The following LMBRD2 variants were observed in gnomAD, a reference collection of about 807,000 sequenced individuals.
LMBRD2 encodes G protein-coupled receptor-associated protein LMBRD2.
Under a neutral mutation model 94.4 loss-of-function variants are expected in LMBRD2, and 55 were observed. The observed-to-expected ratio is 0.58, with a 90% CI of 0.47 to 0.73. The LOEUF is 0.73. Ranked by LOEUF, LMBRD2 falls within the 30% of genes least tolerant of loss-of-function variation. The probability of loss-of-function intolerance (pLI) is 0.00; values close to 1 mark genes in which losing one functional copy is unlikely to be tolerated. For missense variants in LMBRD2, 640 were observed against 831.9 expected, an observed-to-expected ratio of 0.77 and a Z score of 2.84; for synonymous variants, 246 against 272.4, an observed-to-expected ratio of 0.90 and a Z score of 0.95.
In LMBRD2 at chr5:36,100,287, C is replaced by T. The variant is rs1743320787; in HGVS notation, c.*3759G>A. The stretch of plus-strand genomic sequence containing the variant: ...AAAACAATTTATTTACTGATGTGTC[C>T]TCTTTAGTGACCTAAAAGATACACT... On this transcript the variant is annotated 3_prime_UTR_variant, in exon 18 of 18. Transcript: ENST00000296603. The T allele has an allele frequency of 6.6e-6, 1 of 151,934 alleles. No individual in the cohort carries two copies. The highest frequency in any genetic ancestry group is 1.5e-5 in the Non-Finnish European group (1 of 67,968). The allele number at this position is 151,934 out of a possible 1,614,324, so 9.4% of individuals were successfully genotyped here.
rs1744698312 is a variant in LMBRD2, at chr5:36,151,185, CG to C, written c.-58+370del. Among the ~76,000 whole-genome samples the C allele has an allele frequency of 6.6e-6, 1 of 152,228 alleles. No homozygotes were observed. The highest frequency in any genetic ancestry group is 2.4e-5 in the African/African-American group (1 of 41,456). ...GCTTTTAGGCGGCGACGCAAACACACGTAGCCAGCTGAGCGACAGCAAGCAA... is the reference window on the plus strand; with the variant it reads ...GCTTTTAGGCGGCGACGCAAACACACTAGCCAGCTGAGCGACAGCAAGCAA... On this transcript the variant is annotated intron_variant, in intron 1 of 17. Coordinates refer to ENST00000296603, the MANE Select transcript of LMBRD2 (RefSeq NM_001007527.2). This position sits in a 1 kb window ranked among gnomAD's most constrained non-coding sequence, Gnocchi z 4.7.
At chr5:36,139,596 C>T (rs1744354467) in intron 4 of LMBRD2, among the ~76,000 whole-genome samples, 1 of 152,236 alleles carries the variant, frequency 6.6e-6, no homozygotes, top group South Asian at 2.1e-4. Context: ...TTTCTCCTCT[C>T]TGAAGCCCAT....
chr5:36,142,487 TA>T lies in LMBRD2; in HGVS notation c.272+14del. On this transcript the variant is annotated intron_variant, in intron 3 of 17. Coordinates refer to ENST00000296603, the MANE Select transcript of LMBRD2 (RefSeq NM_001007527.2). The stretch of plus-strand genomic sequence containing the variant: ...CCCTACAATGTTTATATATTTTTTT[TA>T]AAAAAGGAAATACCTTGGAACAGGG... 2.2e-6 allele frequency: 3 copies of T among 1,389,902 alleles called. No individual in the cohort carries two copies. Among genetic ancestry groups the T allele is most frequent in the Non-Finnish European group, 3.1e-6 (3 of 981,880 alleles). The allele number at this position is 1,389,902 out of a possible 1,614,324, so 86.1% of individuals were successfully genotyped here.
chr5:36,147,007 A>T (rs1401419179), intron 1 of LMBRD2, among the ~76,000 whole-genome samples: 1 of 151,380 alleles, frequency 6.6e-6, no homozygotes, highest in African/African-American at 2.4e-5. Context: ...TTTTAGAAGC[A>T]GCAATGGCTT....
chr5:36,130,245 T>A (rs116720542), intron 6 of LMBRD2, among the ~76,000 whole-genome samples: 3,386 of 152,122 alleles, frequency 0.022, 121 homozygotes, highest in African/African-American at 0.078. Context: ...ACAGATAGTA[T>A]AATAATACAT....
At chr5:36,147,023 A>G (rs1744565632) in intron 1 of LMBRD2, among the ~76,000 whole-genome samples, 1 of 150,862 alleles carries the variant, frequency 6.6e-6, no homozygotes, top group Non-Finnish European at 1.5e-5. Flanking sequence ...GGCTTGTCAA[A>G]TTCTTCTCAC....
chr5:36,113,803 A>G (rs1581044512), intron 13 of LMBRD2, among the ~76,000 whole-genome samples: 2 of 152,298 alleles, frequency 1.3e-5, no homozygotes, highest in South Asian at 4.2e-4. Flanking sequence ...ATGTAAAAAG[A>G]AGGAAAGACA....
In LMBRD2 at chr5:36,117,740, T is replaced by C; in HGVS notation, c.1297A>G (p.Ile433Val). ...CAGACATAAAATAAACTGACCTCGA[T>C]ATAAATATAATTATATGTTTTTTCT... ...LAEKTYNYIYIEIACFLSIFF... is the reference protein window; with the variant it reads ...LAEKTYNYIYVEIACFLSIFF... The change falls in exon 10 of 18, where the codon ATC becomes GTC. Residue 433 changes from isoleucine to valine, a missense_variant. Physicochemically the swap from Ile to Val is conservative, Grantham distance 29. This residue lies in a region of LMBRD2 where 457 missense variants were observed against 642.8 expected (regional missense o/e 0.71). Transcript: ENST00000296603. 1 of 1,598,174 alleles carries C rather than the reference T, an allele frequency of 6.3e-7. No homozygotes were observed. Among genetic ancestry groups the C allele is most frequent in the Non-Finnish European group, 8.5e-7 (1 of 1,171,052 alleles).
chr5:36,150,369 G>A (rs1744662684), intron 1 of LMBRD2, among the ~76,000 whole-genome samples: 2 of 152,158 alleles, frequency 1.3e-5, no homozygotes, highest in African/African-American at 4.8e-5. Flanking sequence ...TATATCTGAA[G>A]TGGGCTCTCC....
chr5:36,142,518 C>T lies in LMBRD2; in HGVS notation c.256G>A (p.Ala86Thr). Residue 86 changes from alanine (A) to threonine (T), a missense_variant, in exon 3 of 18, where the codon GCT becomes ACT. Physicochemically the swap from Ala to Thr is moderately conservative, Grantham distance 58. Coordinates refer to ENST00000296603, the MANE Select transcript of LMBRD2 (RefSeq NM_001007527.2). ...NSNITGLYAT[A>T]NPVPSQHPCF... ...AGGAAATACCTTGGAACAGGGTTAG[C>T]AGTTGCGTACAATCCTGTAATGTTG... 1.9e-6 allele frequency: 3 copies of T among 1,592,720 alleles called. No individual in the cohort carries two copies. Among genetic ancestry groups the T allele is most frequent in the Non-Finnish European group, 2.6e-6 (3 of 1,160,724 alleles).
intron 6 of LMBRD2, 83 bp downstream of exon 6, chr5:36,136,226 A>G: frequency 8.1e-7 from 1 of 1,238,096 alleles, no homozygotes; most frequent in Non-Finnish European, 1.2e-6. Flanking sequence ...TCAATGCACT[A>G]ACAACAACAA....
Position 36,122,354 on chromosome 5 carries a change from T to G in LMBRD2, c.1046A>C (p.His349Pro). Reference protein sequence around the residue: ...DVAKNETSATHQFVHTFQSPE... With the variant: ...DVAKNETSATPQFVHTFQSPE... ...CGATTGAAAGGTGTGAACAAACTGATGAGTAGCACTAGTTTCATTTTTTGC... is the reference window on the plus strand; with the variant it reads ...CGATTGAAAGGTGTGAACAAACTGAGGAGTAGCACTAGTTTCATTTTTTGC... The change falls in exon 9 of 18, where the codon CAT becomes CCT. Residue 349 changes from histidine to proline, a missense_variant. Physicochemically the swap from His to Pro is moderately conservative, Grantham distance 77. Transcript: ENST00000296603. The G allele has an allele frequency of 6.2e-7, 1 of 1,613,064 alleles. No individual in the cohort carries two copies. Among genetic ancestry groups the G allele is most frequent in the Non-Finnish European group, 8.5e-7 (1 of 1,179,492 alleles).
chr5:36,149,003 T>G (rs1391997295), intron 1 of LMBRD2, among the ~76,000 whole-genome samples: 2 of 152,358 alleles, frequency 1.3e-5, no homozygotes, highest in African/African-American at 4.8e-5. Flanking sequence ...AATATATGAC[T>G]GTACTCTACA....
intron 13 of LMBRD2, among the ~76,000 whole-genome samples, chr5:36,113,081 A>G (rs1743651027): frequency 6.6e-6 from 1 of 152,164 alleles, no homozygotes; most frequent in African/African-American, 2.4e-5. Flanking sequence ...GCCTCCAAAG[A>G]AAGAAGTAAA....
intron 6 of LMBRD2, among the ~76,000 whole-genome samples, chr5:36,129,507 C>A (rs563065116): frequency 6.6e-6 from 1 of 151,954 alleles, no homozygotes; most frequent in African/African-American, 2.4e-5. Flanking sequence ...AATAACATAT[C>A]CAGTGAAAAT....
chr5:36,116,367 A>T, intron 11 of LMBRD2, 93 bp downstream of exon 11: 3 of 1,090,042 alleles, frequency 2.8e-6, no homozygotes, highest in Non-Finnish European at 4.1e-6. Context: ...TATAGATGTT[A>T]GTGGAACACC....
intron 14 of LMBRD2, among the ~76,000 whole-genome samples, chr5:36,110,901 G>C (rs1180708898): frequency 6.6e-6 from 1 of 151,888 alleles, no homozygotes; most frequent in African/African-American, 2.4e-5. Context: ...ACCATACAAG[G>C]GTGTTATCTC....
chr5:36,108,693 G>T, intron 15 of LMBRD2, 54 bp from the exon 16 acceptor site: 1 of 771,482 alleles, frequency 1.3e-6, no homozygotes, highest in Non-Finnish European at 2.0e-6. Context: ...ATTCATTAAT[G>T]TCAAGAGATT....
In LMBRD2 at chr5:36,109,941, T is replaced by A. The variant is rs768746379; in HGVS notation, c.1791+4A>T. The A allele has an allele frequency of 2.5e-6, 4 of 1,595,448 alleles. No homozygotes were observed. In the South Asian group the frequency reaches 4.4e-5, roughly 18 times the overall value. On this transcript the variant is annotated splice_donor_region_variant and intron_variant, in intron 15 of 17. Transcript: ENST00000296603. ...CAGATTACAGAAATTAATACTGTAC[T>A]TACTCTTCTTCGATTTTCACCTTCT...
Sources: allele counts gnomAD v4.1 joint callset (sites outside exome capture counted in the v4.1 genomes callset), GRCh38; gene constraint gnomAD v4.1.1; regional missense constraint gnomAD v4.1.1; non-coding constraint Gnocchi (gnomAD v3.1); transcripts MANE v1.5; gene names NCBI Gene and HGNC (gene_info 2026-07-23, HGNC 2026-07-21).